The following CACNA1C variants were observed in gnomAD, a reference collection of about 807,000 sequenced individuals.
CACNA1C encodes the protein voltage-dependent L-type calcium channel subunit alpha-1C.
CACNA1C carries 30 observed loss-of-function variants against 229.0 expected under a neutral mutation model. That is an observed-to-expected ratio of 0.13 (90% CI 0.10 to 0.18). The LOEUF (loss-of-function observed/expected upper bound fraction) is 0.18. CACNA1C is among the 10% of genes least tolerant of loss of function. The pLI, the probability that CACNA1C is intolerant of heterozygous loss-of-function variation, is 1.00. For missense variants in CACNA1C, 1,658 were observed against 2,845.0 expected, an observed-to-expected ratio of 0.58 and a Z score of 9.49; for synonymous variants, 1,114 against 1,132.5, an observed-to-expected ratio of 0.98 and a Z score of 0.33.
chr12:2,026,628 C>A (rs1005000407), intron 1 of CACNA1C, among the ~76,000 whole-genome samples: 1 of 152,150 alleles, frequency 6.6e-6, no homozygotes, highest in Admixed American at 6.5e-5. Flanking sequence ...AAGGCAATGT[C>A]TTTTTTTATT....
intron 3 of CACNA1C, among the ~76,000 whole-genome samples, chr12:2,380,971 A>T (rs541878247): frequency 4.3e-4 from 66 of 152,232 alleles, no homozygotes; most frequent in African/African-American, 1.6e-3. Context: ...AGCACGTGGG[A>T]TGGGGAGGGG....
At chr12:2,548,880 T>C (rs1031047575) in intron 9 of CACNA1C, among the ~76,000 whole-genome samples, 5 of 152,174 alleles carry the variant, frequency 3.3e-5, no homozygotes, top group Non-Finnish European at 7.3e-5. Context: ...TGAGGGCTGA[T>C]GACTTTCTCA....
intron 5 of CACNA1C, among the ~76,000 whole-genome samples, chr12:2,461,336 C>T (rs1346990383): frequency 6.6e-6 from 1 of 152,174 alleles, no homozygotes; most frequent in African/African-American, 2.4e-5. Context: ...TTAGCTCTGC[C>T]CTTCATTCAC....
chr12:2,223,601 T>C (rs2062042222), intron 3 of CACNA1C: 1 of 152,222 alleles, frequency 6.6e-6, no homozygotes, highest in African/African-American at 2.4e-5. Flanking sequence ...AGCTGCTTGC[T>C]TAAGGCCATA....
At chr12:2,557,052 A>C in intron 11 of CACNA1C, 75 bp downstream of exon 11, 2 of 1,218,084 alleles carry the variant, frequency 1.6e-6, no homozygotes, top group Non-Finnish European at 2.4e-6. Context: ...GGGTGGCCCA[A>C]GGTAATACCT....
intron 5 of CACNA1C, among the ~76,000 whole-genome samples, chr12:2,484,102 T>G (rs1438741576): frequency 6.6e-6 from 1 of 152,198 alleles, no homozygotes; most frequent in Non-Finnish European, 1.5e-5. Flanking sequence ...CAGATATAAA[T>G]GTTTTAAAAT....
chr12:2,175,715 C>T (rs889422049), intron 3 of CACNA1C, among the ~76,000 whole-genome samples: 1 of 152,114 alleles, frequency 6.6e-6, no homozygotes, highest in Non-Finnish European at 1.5e-5. Flanking sequence ...ATTCCTTTTG[C>T]GTTGAGTAGC....
chr12:2,446,006 C>G (rs138347250), intron 3 of CACNA1C, among the ~76,000 whole-genome samples: 35 of 152,176 alleles, frequency 2.3e-4, no homozygotes, highest in Non-Finnish European at 4.7e-4. Context: ...TCATGAATGA[C>G]TAAGGGGACA....
chr12:2,331,453 G>A (rs1433132701), intron 3 of CACNA1C, among the ~76,000 whole-genome samples: 1 of 152,208 alleles, frequency 6.6e-6, no homozygotes, highest in Non-Finnish European at 1.5e-5. Flanking sequence ...TCTGGTGCCA[G>A]AAAGTCATGC....
At chr12:2,131,897 G>C (rs2154173090) in intron 3 of CACNA1C, among the ~76,000 whole-genome samples, 1 of 147,370 alleles carries the variant, frequency 6.8e-6, no homozygotes, top group Non-Finnish European at 1.5e-5. Context: ...ACCTTGGGCA[G>C]TATGGCCATT....
chr12:2,607,178 G>A, intron 26 of CACNA1C, 48 bp downstream of exon 26: 1 of 1,561,746 alleles, frequency 6.4e-7, no homozygotes, highest in Non-Finnish European at 8.7e-7. Flanking sequence ...TCAAGGGCCA[G>A]TACTGACTTT....
rs1281645510 is a variant in CACNA1C, at chr12:2,120,407, T to A, written c.454T>A (p.Ser152Thr). 2 of 1,608,268 alleles carry A rather than the reference T, an allele frequency of 1.2e-6. No individual in the cohort carries two copies. Among genetic ancestry groups the A allele is most frequent in the Non-Finnish European group, 8.5e-7 (1 of 1,174,686 alleles). Reference protein sequence around the residue: ...AIYIPFPEDDSNATNSNLERV... With the variant: ...AIYIPFPEDDTNATNSNLERV... ...CTATATTCCCTTTCCAGAAGATGAT[T>A]CCAACGCCACCAATTCCAACCTGGT... The change falls in exon 3 of 47, where the codon TCC (serine) becomes ACC (threonine). Residue 152 changes from serine to threonine, a missense_variant. Ser to Thr is a moderately conservative substitution (Grantham distance 58, BLOSUM62 1). This residue lies in a region of CACNA1C where 89 missense variants were observed against 177.8 expected (regional missense o/e 0.50). Coordinates refer to ENST00000399655, the MANE Select transcript of CACNA1C (RefSeq NM_000719.7).
chr12:2,137,384 C>T (rs546521694), intron 3 of CACNA1C, among the ~76,000 whole-genome samples: 8 of 151,032 alleles, frequency 5.3e-5, no homozygotes, highest in Non-Finnish European at 1.0e-4. Context: ...AGAAATGCTC[C>T]GCCCAGCTCT....
intron 3 of CACNA1C, among the ~76,000 whole-genome samples, chr12:2,246,906 G>A (rs542265321): frequency 2.6e-5 from 4 of 152,262 alleles, no homozygotes; most frequent in African/African-American, 7.2e-5. Flanking sequence ...CATAGCGGCT[G>A]CATCCCTGTC....
chr12:2,696,094 A>C lies in CACNA1C; in HGVS notation c.*4895A>C, dbSNP rs560903526. On this transcript the variant is annotated 3_prime_UTR_variant, in exon 47 of 47. Transcript: ENST00000399655. Reference sequence around the variant, plus strand: ...AAATTCTATTTACATACATTGAGAGAATACTACAATCAACACTTTTTCCTG... The same window carrying C: ...AAATTCTATTTACATACATTGAGAGCATACTACAATCAACACTTTTTCCTG... 6.6e-6 allele frequency: 1 copy of C among 152,316 alleles called. No individual in the cohort carries two copies. Among genetic ancestry groups the C allele is most frequent in the African/African-American group, 2.4e-5 (1 of 41,572 alleles). 9.4% of individuals were successfully genotyped at this position (152,316 alleles called of 1,614,324 possible).
chr12:2,415,960 C>T (rs998891010), intron 3 of CACNA1C, among the ~76,000 whole-genome samples: 2 of 152,202 alleles, frequency 1.3e-5, no homozygotes, highest in African/African-American at 4.8e-5. Flanking sequence ...TCTCTTCCTG[C>T]TCCTTCCTCT....
chr12:2,392,521 T>G (rs1488743954), intron 3 of CACNA1C, among the ~76,000 whole-genome samples: 2 of 152,048 alleles, frequency 1.3e-5, no homozygotes, highest in East Asian at 3.9e-4. Flanking sequence ...CAGCCGGGGG[T>G]GGGTTTCTGA....
chr12:2,046,635 C>G (rs1267239056), intron 1 of CACNA1C, among the ~76,000 whole-genome samples: 1 of 152,166 alleles, frequency 6.6e-6, no homozygotes, highest in Non-Finnish European at 1.5e-5. Flanking sequence ...CTGAAAATCA[C>G]AAGGCTAGTC....
intron 3 of CACNA1C, among the ~76,000 whole-genome samples, chr12:2,177,625 C>CTCT: frequency 1.1e-5 from 1 of 89,352 alleles, no homozygotes; most frequent in South Asian, 5.0e-4. Context: ...TCCTTCCTTC[C>CTCT]TTCTCTCTCT....
Sources: allele counts gnomAD v4.1 joint callset (sites outside exome capture counted in the v4.1 genomes callset), GRCh38; gene constraint gnomAD v4.1.1; regional missense constraint gnomAD v4.1.1; transcripts MANE v1.5; gene names NCBI Gene and HGNC (gene_info 2026-07-23, HGNC 2026-07-21).